Variants in CEP43 observed in about 807,000 individuals in gnomAD.
The protein encoded by CEP43 is FGFR1 oncogene partner.
A neutral mutation model predicts 52.6 loss-of-function variants in CEP43; 36 were observed. That is an observed-to-expected ratio of 0.68 (90% CI 0.52 to 0.90). The LOEUF (loss-of-function observed/expected upper bound fraction) is 0.90, where lower values mean the gene tolerates loss of function less well. Ranked by LOEUF, CEP43 falls within the 40% of genes least tolerant of loss-of-function variation. CEP43 has a pLI of 0.00. For missense variants in CEP43, 506 were observed against 472.8 expected, an observed-to-expected ratio of 1.07 and a Z score of -0.65; for synonymous variants, 192 against 172.4, an observed-to-expected ratio of 1.11 and a Z score of -0.89.
intron 7 of CEP43, 136 bp from the exon 8 acceptor site, chr6:167,022,259 AACACACACACACAC>A (rs35327997): frequency 1.5e-5 from 8 of 543,798 alleles, no homozygotes; most frequent in South Asian, 5.0e-5. Flanking sequence ...GAGCTGCCCC[AACACACACACACAC>A]ACACACACAC....
intron 10 of CEP43, 72 bp downstream of exon 10, chr6:167,026,687 T>C: frequency 1.1e-6 from 1 of 906,686 alleles, no homozygotes; most frequent in Non-Finnish European, 1.8e-6. Context: ...GTAAAAGAAG[T>C]GACTCCGTCT....
At position 167,041,980 on chromosome 6, in the gene CEP43, C is replaced by T. The variant is rs1780709428; in HGVS notation, c.*2002C>T. On this transcript the variant is annotated 3_prime_UTR_variant, in exon 13 of 13. Transcript: ENST00000366847. Reference sequence around the variant, plus strand: ...CTGGGATTACAGGTGCACACCACCACGCCCGGCTAATTTTTGTATTTTTAG... The same window carrying T: ...CTGGGATTACAGGTGCACACCACCATGCCCGGCTAATTTTTGTATTTTTAG... 8 of 403,710 alleles carry T rather than the reference C, an allele frequency of 2.0e-5. No individual in the cohort carries two copies. Among genetic ancestry groups the T allele is most frequent in the South Asian group, 1.0e-4 (1 of 9,618 alleles). The allele number at this position is 403,710 out of a possible 1,614,324, so 25.0% of individuals were successfully genotyped here. A position where few individuals can be genotyped will look rare whatever the true frequency, so the allele number is the denominator to read the frequency against.
At chr6:167,001,029 C>G (rs1779723087) in intron 2 of CEP43, among the ~76,000 whole-genome samples, 1 of 152,256 alleles carries the variant, frequency 6.6e-6, no homozygotes, top group Admixed American at 6.5e-5. Context: ...TTCACCCTAG[C>G]TGTGCAGTAG....
At chr6:167,011,334 T>G (rs181518721) in intron 6 of CEP43, among the ~76,000 whole-genome samples, 1 of 152,218 alleles carries the variant, frequency 6.6e-6, no homozygotes, top group Non-Finnish European at 1.5e-5. Context: ...TTAATATACC[T>G]GGGCTGTTTT....
intron 6 of CEP43, among the ~76,000 whole-genome samples, chr6:167,011,297 A>G (rs575346350): frequency 1.2e-4 from 19 of 152,338 alleles, no homozygotes; most frequent in Non-Finnish European, 2.8e-4. Context: ...GGGTGATGAG[A>G]TTCAGAATTG....
chr6:167,023,650 A>G (rs545338717), intron 8 of CEP43, among the ~76,000 whole-genome samples: 3 of 152,312 alleles, frequency 2.0e-5, no homozygotes, highest in Admixed American at 1.3e-4. Context: ...GTGGGAGACT[A>G]CAGAGGATCA....
At chr6:167,004,081 A>G in intron 4 of CEP43, 183 bp from the exon 5 acceptor site, 1 of 639,682 alleles carries the variant, frequency 1.6e-6, no homozygotes. Context: ...GTTAATGGAA[A>G]CGTTGAAGGT....
At chr6:167,033,825 T>C (rs781404450) in intron 11 of CEP43, 50 bp from the exon 12 acceptor site, 3 of 878,562 alleles carry the variant, frequency 3.4e-6, no homozygotes, top group East Asian at 5.0e-5. Flanking sequence ...GTAATCTCTT[T>C]AAATGTTTAT....
intron 8 of CEP43, among the ~76,000 whole-genome samples, chr6:167,023,487 T>C: frequency 6.6e-6 from 1 of 152,190 alleles, no homozygotes; most frequent in Non-Finnish European, 1.5e-5. Context: ...ACAGGTGGCA[T>C]GACAGCCTGG....
intron 8 of CEP43, among the ~76,000 whole-genome samples, 176 bp downstream of exon 8, chr6:167,022,811 C>T (rs1484048644): frequency 6.6e-6 from 1 of 151,998 alleles, no homozygotes; most frequent in Non-Finnish European, 1.5e-5. Flanking sequence ...TTTAGAAAAA[C>T]CTAGACATGA....
At position 167,047,414 on chromosome 6, in the gene CEP43, C is replaced by T. The variant is rs1330975595; in HGVS notation, c.*7436C>T. The T allele has an allele frequency of 1.7e-5, 1 of 58,042 alleles. No homozygotes were observed. Among genetic ancestry groups the T allele is most frequent in the Non-Finnish European group, 4.3e-5 (1 of 23,400 alleles). The allele number at this position is 58,042 out of a possible 1,614,324, so 3.6% of individuals were successfully genotyped here. On this transcript the variant is annotated 3_prime_UTR_variant, in exon 13 of 13. Coordinates refer to ENST00000366847, the MANE Select transcript of CEP43 (RefSeq NM_007045.4). ...TGATGTTGGGCAAGTTATTTAATAT[C>T]AGTATTCTCAGTTTTCTCATCTGTA...
At chr6:167,005,131 T>A (rs895763766) in intron 5 of CEP43, among the ~76,000 whole-genome samples, 4 of 152,244 alleles carry the variant, frequency 2.6e-5, no homozygotes, top group African/African-American at 9.6e-5. Context: ...TAGGTAAGAA[T>A]GTGGAGGGCT....
At chr6:167,020,266 A>G (rs1036091652) in intron 7 of CEP43, among the ~76,000 whole-genome samples, 2 of 152,226 alleles carry the variant, frequency 1.3e-5, no homozygotes, top group African/African-American at 4.8e-5. Flanking sequence ...AATTTATATT[A>G]ATAACATGGA....
At chr6:167,019,656 T>G (rs970071869) in intron 7 of CEP43, among the ~76,000 whole-genome samples, 4 of 152,238 alleles carry the variant, frequency 2.6e-5, no homozygotes, top group Non-Finnish European at 5.9e-5. Flanking sequence ...AATTCTGTTA[T>G]GTTTACAAGT....
intron 3 of CEP43, 130 bp downstream of exon 3, chr6:167,003,377 T>C: frequency 1.9e-6 from 1 of 528,556 alleles, no homozygotes; most frequent in South Asian, 3.1e-5. Flanking sequence ...TTTAAAATAA[T>C]ATTTTATTGT....
Position 167,045,319 on chromosome 6 carries a change from G to A in CEP43, c.*5341G>A, listed in dbSNP as rs1167444064. ...GGATCTCACCGTGTTGGCCAGGCTG[G>A]TCTTGAACTCCTGACCTATGGTGAT... is the stretch of plus-strand genomic sequence containing the variant. On this transcript the variant is annotated 3_prime_UTR_variant, in exon 13 of 13. Transcript: ENST00000366847. 6.6e-6 allele frequency: 1 copy of A among 150,948 alleles called. No individual in the cohort carries two copies. The highest frequency in any genetic ancestry group is 1.5e-5 in the Non-Finnish European group (1 of 67,712). The allele number at this position is 150,948 out of a possible 1,614,324, so 9.4% of individuals were successfully genotyped here. A position where few individuals can be genotyped will look rare whatever the true frequency, so the allele number is the denominator to read the frequency against.
In CEP43 at chr6:167,042,172, A is replaced by G. The variant is rs1780714259; in HGVS notation, c.*2194A>G. 5.0e-6 allele frequency: 5 copies of G among 1,008,406 alleles called. No homozygotes were observed. Among genetic ancestry groups the G allele is most frequent in the South Asian group, 4.7e-5 (1 of 21,482 alleles). 62.5% of individuals were successfully genotyped at this position (1,008,406 alleles called of 1,614,324 possible). A position where few individuals can be genotyped will look rare whatever the true frequency, so the allele number is the denominator to read the frequency against. On this transcript the variant is annotated 3_prime_UTR_variant, in exon 13 of 13. Transcript: ENST00000366847. ...GAATGACTTAAAGTTCAACTATGAA[A>G]AAGCTTTCTTTTCACATGTACTTTT...
At chr6:167,006,095 C>T (rs1779845372) in intron 5 of CEP43, among the ~76,000 whole-genome samples, 1 of 152,158 alleles carries the variant, frequency 6.6e-6, no homozygotes, top group Admixed American at 6.6e-5. Context: ...ACAGAAGTAT[C>T]GCGCCTACAG....
chr6:167,035,641 A>G lies in CEP43; in HGVS notation c.1125+1670A>G, dbSNP rs1008881698. 1.3e-3 allele frequency among the ~76,000 whole-genome samples: 195 copies of G among 150,682 alleles called. 2 individuals carry two copies. Among genetic ancestry groups the G allele is most frequent in the Admixed American group, 1.7e-3 (26 of 15,134 alleles). On this transcript the variant is annotated intron_variant, in intron 12 of 12. Coordinates refer to ENST00000366847, the MANE Select transcript of CEP43 (RefSeq NM_007045.4). ...GAGTGCAGTGGCGCTATCTCAGCTC[A>G]CTGCAAGCTCCGCCTCCCGGGTTCA...
Sources: allele counts gnomAD v4.1 joint callset (sites outside exome capture counted in the v4.1 genomes callset), GRCh38; gene constraint gnomAD v4.1.1; transcripts MANE v1.5; gene names NCBI Gene and HGNC (gene_info 2026-07-23, HGNC 2026-07-21).